The following ZNF233 variants were observed in gnomAD, a reference collection of about 807,000 sequenced individuals.
ZNF233 encodes zinc finger protein 233.
In ZNF233, 7 loss-of-function variants were observed where a neutral mutation model predicts 11.6. That is an observed-to-expected ratio of 0.60 (90% confidence interval 0.34 to 1.13). The LOEUF (loss-of-function observed/expected upper bound fraction) is 1.13, where lower values mean the gene tolerates loss of function less well. Ranked by LOEUF, ZNF233 falls within the 50% of genes most tolerant of loss-of-function variation. ZNF233 has a pLI of 0.03. For missense variants in ZNF233, 711 were observed against 785.5 expected, an observed-to-expected ratio of 0.91 and a Z score of 1.13; for synonymous variants, 226 against 268.5, an observed-to-expected ratio of 0.84 and a Z score of 1.55.
In ZNF233 at chr19:44,274,827, T is replaced by C; in HGVS notation, c.*154T>C. The C allele has an allele frequency of 1.5e-6, 1 of 657,952 alleles. No homozygotes were observed. The highest frequency in any genetic ancestry group is 3.0e-5 in the South Asian group (1 of 33,084). 40.8% of individuals were successfully genotyped at this position (657,952 alleles called of 1,614,324 possible). A position where few individuals can be genotyped will look rare whatever the true frequency, so the allele number is the denominator to read the frequency against. On this transcript the variant is annotated 3_prime_UTR_variant, in exon 5 of 5. Transcript: ENST00000683810. ...GCTGAGTTTTTATAGTTATCTGAAT[T>C]CCATTGAAGAAAACCTATTTTTGTA...
chr19:44,274,680 T>C lies in ZNF233; in HGVS notation c.*7T>C. The C allele has an allele frequency of 6.3e-7, 1 of 1,578,136 alleles. No homozygotes were observed. The highest frequency in any genetic ancestry group is 1.8e-5 in the Admixed American group (1 of 56,440). ...TTCATCAGAGAGTCCATGATGGTGA[T>C]GAATCTATTAATCATGATGAGTGTG... On this transcript the variant is annotated 3_prime_UTR_variant, in exon 5 of 5. Coordinates refer to ENST00000683810, the MANE Select transcript of ZNF233 (RefSeq NM_001207005.2).
chr19:44,266,474 C>T (rs955494687), intron 3 of ZNF233, 150 bp downstream of exon 3: 34 of 1,075,844 alleles, frequency 3.2e-5, no homozygotes, highest in Non-Finnish European at 4.0e-5. Context: ...TATACCTTGT[C>T]TATTTTTCTC....
Position 44,275,168 on chromosome 19 carries a change from A to G in ZNF233, c.*495A>G, listed in dbSNP as rs1273240270. 1 of 381,126 alleles carries G rather than the reference A, an allele frequency of 2.6e-6. No homozygotes were observed. Among genetic ancestry groups the G allele is most frequent in the Non-Finnish European group, 4.6e-6 (1 of 215,770 alleles). 23.6% of individuals were successfully genotyped at this position (381,126 alleles called of 1,614,324 possible). A position where few individuals can be genotyped will look rare whatever the true frequency, so the allele number is the denominator to read the frequency against. On this transcript the variant is annotated 3_prime_UTR_variant, in exon 5 of 5. Coordinates refer to ENST00000683810, the MANE Select transcript of ZNF233 (RefSeq NM_001207005.2). ...CCCTGGAATTGTTTAACTTGATAGG[A>G]AAAATCTATCATATATAGGACATAT...
rs1273527669 is a variant in ZNF233, at chr19:44,274,821, C to A, written c.*148C>A. The A allele has an allele frequency of 5.8e-6, 4 of 686,270 alleles. No homozygotes were observed. The highest frequency in any genetic ancestry group is 1.8e-5 in the African/African-American group (1 of 55,388). The allele number at this position is 686,270 out of a possible 1,614,324, so 42.5% of individuals were successfully genotyped here. On this transcript the variant is annotated 3_prime_UTR_variant, in exon 5 of 5. Transcript: ENST00000683810. The stretch of plus-strand genomic sequence containing the variant: ...TCATGAGCTGAGTTTTTATAGTTAT[C>A]TGAATTCCATTGAAGAAAACCTATT...
In ZNF233 at chr19:44,267,211, C is replaced by T. The variant is rs1568634317; in HGVS notation, c.238+250C>T. 9.2e-6 allele frequency: 4 copies of T among 435,828 alleles called. No individual in the cohort carries two copies. In the South Asian group the frequency reaches 2.5e-4, roughly 27 times the overall value. The allele number at this position is 435,828 out of a possible 1,614,324, so 27.0% of individuals were successfully genotyped here. On this transcript the variant is annotated intron_variant, in intron 4 of 4. Coordinates refer to ENST00000683810, the MANE Select transcript of ZNF233 (RefSeq NM_001207005.2). ...TGACTTCCCATCTCACTCATTAATT[C>T]CAAAATCTCTACGAGCCTTCAGGGT...
intron 1 of ZNF233, among the ~76,000 whole-genome samples, chr19:44,263,543 CAGTG>C (rs1263258738): frequency 6.6e-6 from 1 of 152,160 alleles, no homozygotes; most frequent in Non-Finnish European, 1.5e-5. Context: ...TTCCTTACGA[CAGTG>C]AGCACGGGAA....
At chr19:44,269,506 G>T (rs529544764) in intron 4 of ZNF233, among the ~76,000 whole-genome samples, 1 of 152,066 alleles carries the variant, frequency 6.6e-6, no homozygotes, top group Non-Finnish European at 1.5e-5. Context: ...ATGTTGGCCA[G>T]GATGGTCTCT....
At chr19:44,262,744 T>A (rs1438613328) in intron 1 of ZNF233, among the ~76,000 whole-genome samples, 1 of 152,170 alleles carries the variant, frequency 6.6e-6, no homozygotes, top group Non-Finnish European at 1.5e-5. Context: ...ACGAGGTAGA[T>A]ACTGTTATTG....
rs776867250 is a variant in ZNF233, at chr19:44,273,143, A to G, written c.483A>G (p.Leu161=). The G allele has an allele frequency of 1.9e-6, 3 of 1,613,914 alleles. No homozygotes were observed. Among genetic ancestry groups the G allele is most frequent in the Admixed American group, 1.7e-5 (1 of 60,008 alleles). The change falls in exon 5 of 5, where the codon CTA becomes CTG. Residue 161 remains leucine, a synonymous_variant. Transcript: ENST00000683810. The stretch of plus-strand genomic sequence containing the variant: ...AAGATGAGAACTATGTAATAAAGCT[A>G]CAAGGGGAGAGTTCAAATAGCATAA... ...VSEDENYVIK[L]QGESSNSIKN... is the part of the protein sequence containing the mutation.
At position 44,261,684 on chromosome 19, in the gene ZNF233, C is replaced by G. The variant is rs550671339; in HGVS notation, c.-48+1746C>G. Among the ~76,000 whole-genome samples the G allele has an allele frequency of 3.6e-3, 521 of 146,372 alleles. 1 individual carries two copies. Among genetic ancestry groups the G allele is most frequent in the African/African-American group, 0.013 (504 of 39,332 alleles). On this transcript the variant is annotated intron_variant, in intron 1 of 4. Coordinates refer to ENST00000683810, the MANE Select transcript of ZNF233 (RefSeq NM_001207005.2). ...TTTTTTTTTTTGAGACTGAGTCTCC[C>G]TCTGTCTCCCAGGCTGGAGTGCAGT...
At chr19:44,267,103 C>T in intron 4 of ZNF233, 142 bp downstream of exon 4, 1 of 563,256 alleles carries the variant, frequency 1.8e-6, no homozygotes, top group Non-Finnish European at 3.2e-6. Flanking sequence ...GACCTTCCTC[C>T]TTCTACCTCC....
intron 4 of ZNF233, among the ~76,000 whole-genome samples, chr19:44,269,254 C>CTA (rs1975176254): frequency 6.6e-6 from 1 of 151,890 alleles, no homozygotes; most frequent in East Asian, 1.9e-4. Context: ...TAGCTTCTTC[C>CTA]CAACTTCTTC....
At chr19:44,267,387 T>TC (rs1468090409) in intron 4 of ZNF233, 41 of 395,866 alleles carry the variant, frequency 1.0e-4, no homozygotes, top group Non-Finnish European at 1.4e-4. Flanking sequence ...CAGGTCTCAC[T>TC]CTGTGACCTA....
intron 1 of ZNF233, among the ~76,000 whole-genome samples, chr19:44,261,648 C>CTTT (rs910276344): frequency 1.3e-4 from 17 of 128,256 alleles, no homozygotes; most frequent in Admixed American, 2.4e-4. Context: ...AATGATTTCA[C>CTTT]TTTTTTTTTT....
chr19:44,272,964 G>A lies in ZNF233; in HGVS notation c.304G>A (p.Asp102Asn), dbSNP rs761555574. 1.3e-5 allele frequency: 21 copies of A among 1,611,606 alleles called. No individual in the cohort carries two copies. Among genetic ancestry groups the A allele is most frequent in the Non-Finnish European group, 1.7e-5 (20 of 1,179,424 alleles). Reference protein sequence around the residue: ...EVRLRFLSYEDLICWQIWEQF... With the variant: ...EVRLRFLSYENLICWQIWEQF... ...AAGATTAAGATTCCTTTCATATGAA[G>A]ACCTTATATGCTGGCAAATATGGGA... Residue 102 changes from aspartate to asparagine, a missense_variant, in exon 5 of 5, where the codon GAC (aspartate) becomes AAC (asparagine). Coordinates refer to ENST00000683810, the MANE Select transcript of ZNF233 (RefSeq NM_001207005.2).
At chr19:44,262,486 T>C (rs1974965464) in intron 1 of ZNF233, among the ~76,000 whole-genome samples, 1 of 152,132 alleles carries the variant, frequency 6.6e-6, no homozygotes, top group African/African-American at 2.4e-5. Flanking sequence ...CTACTAAATG[T>C]CGTGAAATGT....
intron 4 of ZNF233, among the ~76,000 whole-genome samples, chr19:44,270,655 G>A (rs1452396476): frequency 1.3e-5 from 2 of 152,196 alleles, no homozygotes; most frequent in Non-Finnish European, 2.9e-5. Flanking sequence ...AGCTGTTAAA[G>A]AGTGACGGAG....
In ZNF233 at chr19:44,274,476, T is replaced by C. The variant is rs1307727993; in HGVS notation, c.1816T>C (p.Tyr606His). 6.2e-6 allele frequency: 10 copies of C among 1,613,694 alleles called. No homozygotes were observed. Among genetic ancestry groups the C allele is most frequent in the African/African-American group, 2.7e-5 (2 of 74,814 alleles). ...TAGGAAAGGCTTCATCTGGAACTCA[T>C]ATCTTCATGTTCATCAGAGGATCCA... is the stretch of plus-strand genomic sequence containing the variant. ...ECRKGFIWNS[Y>H]LHVHQRIHTG... The change falls in exon 5 of 5, where the codon TAT becomes CAT. Residue 606 changes from tyrosine to histidine, a missense_variant. By Grantham distance (83) the Tyr-to-His change is moderately conservative. Coordinates refer to ENST00000683810, the MANE Select transcript of ZNF233 (RefSeq NM_001207005.2).
chr19:44,266,272 A>C lies in ZNF233; in HGVS notation c.90A>C (p.Arg30Ser). ...EELGLLDLAQRKLYQDVMLEN... is the reference protein window; with the variant it reads ...EELGLLDLAQSKLYQDVMLEN... ...TGGGGTTGCTGGACCTTGCCCAGAG[A>C]AAGCTGTACCAAGATGTGATGCTGG... The change falls in exon 3 of 5, where the codon AGA becomes AGC. Residue 30 changes from arginine to serine, a missense_variant. Arg to Ser is a moderately radical substitution (Grantham distance 110). Transcript: ENST00000683810. 1.2e-6 allele frequency: 2 copies of C among 1,612,424 alleles called. No homozygotes were observed. Among genetic ancestry groups the C allele is most frequent in the Non-Finnish European group, 1.7e-6 (2 of 1,179,086 alleles).
Sources: allele counts gnomAD v4.1 joint callset (sites outside exome capture counted in the v4.1 genomes callset), GRCh38; gene constraint gnomAD v4.1.1; transcripts MANE v1.5; gene names NCBI Gene and HGNC (gene_info 2026-07-23, HGNC 2026-07-21).